HS6ST2: variants seen among roughly 807,000 people sequenced by gnomAD.
HS6ST2 encodes heparan-sulfate 6-O-sulfotransferase 2.
In HS6ST2, 17 loss-of-function variants were observed where a neutral mutation model predicts 33.0. That is an observed-to-expected ratio of 0.52 (90% CI 0.35 to 0.77). The LOEUF is 0.77. HS6ST2 is among the 30% of genes least tolerant of loss of function. The pLI, the probability that HS6ST2 is intolerant of heterozygous loss-of-function variation, is 0.01. For missense variants in HS6ST2, 519 were observed against 551.7 expected, an observed-to-expected ratio of 0.94 and a Z score of 0.59; for synonymous variants, 248 against 237.1, an observed-to-expected ratio of 1.05 and a Z score of -0.42.
At chrX:132,658,710 T>C (rs1222152377) in intron 4 of HS6ST2, among the ~76,000 whole-genome samples, 1 of 112,276 alleles carries the variant, frequency 8.9e-6, no homozygotes, top group African/African-American at 3.2e-5. Flanking sequence ...GGATGGTGGG[T>C]AAAATTAATT....
At chrX:132,719,231 C>T (rs1342323587) in intron 2 of HS6ST2, among the ~76,000 whole-genome samples, 1 of 111,955 alleles carries the variant, frequency 8.9e-6, no homozygotes, top group African/African-American at 3.3e-5. Context: ...CAAGCCCAAA[C>T]TCTGCATTTT....
intron 2 of HS6ST2, among the ~76,000 whole-genome samples, chrX:132,806,245 A>G (rs2065281352): frequency 9.0e-6 from 1 of 110,712 alleles, no homozygotes; most frequent in Non-Finnish European, 1.9e-5. Flanking sequence ...CAATATTGCT[A>G]CTACTTCTAA....
chrX:132,722,441 C>T (rs1346569220), intron 2 of HS6ST2, among the ~76,000 whole-genome samples: 40 of 110,948 alleles, frequency 3.6e-4, no homozygotes, highest in African/African-American at 1.3e-3. Flanking sequence ...ATGTTGAAAA[C>T]TTTTCATGAT....
chrX:132,847,363 C>A (rs1042884960), intron 2 of HS6ST2, among the ~76,000 whole-genome samples: 1 of 111,203 alleles, frequency 9.0e-6, no homozygotes, highest in African/African-American at 3.3e-5. Flanking sequence ...CAGTAGTATA[C>A]CATCCCCCAA....
intron 2 of HS6ST2, among the ~76,000 whole-genome samples, chrX:132,727,906 G>C (rs1392694403): frequency 9.0e-6 from 1 of 111,461 alleles, no homozygotes; most frequent in East Asian, 2.8e-4. Flanking sequence ...TTTTTTGTCT[G>C]GCTTCTTTCA....
At chrX:132,750,179 A>G (rs1272763724) in intron 2 of HS6ST2, among the ~76,000 whole-genome samples, 1 of 110,650 alleles carries the variant, frequency 9.0e-6, no homozygotes, top group Non-Finnish European at 1.9e-5. Flanking sequence ...CCTTCTCTCC[A>G]GACTGGACAC....
chrX:132,915,274 T>A (rs1041980100), intron 2 of HS6ST2, among the ~76,000 whole-genome samples: 1 of 112,425 alleles, frequency 8.9e-6, no homozygotes, highest in African/African-American at 3.2e-5. Flanking sequence ...GCTCAGGCTA[T>A]GGCACCAACT....
At chrX:132,909,148 C>T (rs1052817804) in intron 2 of HS6ST2, among the ~76,000 whole-genome samples, 1 of 111,653 alleles carries the variant, frequency 9.0e-6, no homozygotes, top group African/African-American at 3.3e-5. Flanking sequence ...TGAGGTGTTA[C>T]AGCCTGGCTA....
chrX:132,707,906 T>C (rs1222224925), intron 3 of HS6ST2, among the ~76,000 whole-genome samples: 1 of 111,581 alleles, frequency 9.0e-6, no homozygotes, highest in African/African-American at 3.3e-5. Context: ...AGATTTGCTC[T>C]CCTGCAGGCT....
chrX:132,629,292 TCAAC>T lies in HS6ST2; in HGVS notation c.1068-203_1068-200del, dbSNP rs1015204963. Among the ~76,000 whole-genome samples the T allele has an allele frequency of 2.4e-4, 27 of 112,120 alleles. No individual in the cohort carries two copies. The South Asian group carries it at 0.01, about 43-fold the overall frequency. On this transcript the variant is annotated intron_variant, in intron 4 of 4. Transcript: ENST00000370833. ...ACTAGCCTAGAGATAGCTAATTTTT[TCAAC>T]CAATTTGCTGATACTTCAGCTAAAA...
At chrX:132,797,155 G>C (rs2065189307) in intron 2 of HS6ST2, among the ~76,000 whole-genome samples, 1 of 111,493 alleles carries the variant, frequency 9.0e-6, no homozygotes, top group Non-Finnish European at 1.9e-5. Flanking sequence ...ATTTCAAGAA[G>C]TCCATAGCCC....
intron 2 of HS6ST2, among the ~76,000 whole-genome samples, chrX:132,838,862 A>G (rs921814825): frequency 1.8e-5 from 2 of 110,009 alleles, no homozygotes; most frequent in Admixed American, 2.0e-4. Context: ...ACCAACAAGC[A>G]TATAATAAAA....
chrX:132,763,518 G>A (rs141679591), intron 2 of HS6ST2, among the ~76,000 whole-genome samples: 16 of 112,277 alleles, frequency 1.4e-4, no homozygotes, highest in South Asian at 7.5e-4. Flanking sequence ...TCTCTGCACC[G>A]AGCTGGGCTC....
At chrX:132,897,039 C>A (rs2066382872) in intron 2 of HS6ST2, among the ~76,000 whole-genome samples, 1 of 111,546 alleles carries the variant, frequency 9.0e-6, no homozygotes. Flanking sequence ...AAGTCTTGAG[C>A]TTTGAAGGAA....
intron 2 of HS6ST2, among the ~76,000 whole-genome samples, chrX:132,774,506 G>C (rs2064937174): frequency 1.8e-5 from 2 of 111,722 alleles, no homozygotes; most frequent in Non-Finnish European, 3.8e-5. Context: ...GCCAGAGTGA[G>C]TCATGAAAGG....
chrX:132,803,115 C>T (rs1438553688), intron 2 of HS6ST2, among the ~76,000 whole-genome samples: 2 of 111,390 alleles, frequency 1.8e-5, no homozygotes, highest in African/African-American at 6.5e-5. Context: ...CTTCCAGATC[C>T]GAGGCTCTCT....
chrX:132,808,111 C>T (rs1440979124), intron 2 of HS6ST2, among the ~76,000 whole-genome samples: 2 of 111,396 alleles, frequency 1.8e-5, no homozygotes, highest in East Asian at 5.7e-4. Flanking sequence ...ATCCCTGTTC[C>T]AGAAGATCAG....
intron 2 of HS6ST2, among the ~76,000 whole-genome samples, chrX:132,866,672 T>C (rs1373426050): frequency 1.4e-5 from 1 of 71,026 alleles, no homozygotes; most frequent in East Asian, 4.2e-4. Flanking sequence ...TGGTTTGTAG[T>C]TCTCCTTGAA....
At chrX:132,957,833 C>G (rs2067101129) in intron 1 of HS6ST2, among the ~76,000 whole-genome samples, 2 of 112,224 alleles carry the variant, frequency 1.8e-5, no homozygotes, top group Non-Finnish European at 3.8e-5. Flanking sequence ...CCGCATGCCC[C>G]GAAGCCCTCC....
Sources: allele counts gnomAD v4.1 joint callset (sites outside exome capture counted in the v4.1 genomes callset), GRCh38; gene constraint gnomAD v4.1.1; transcripts MANE v1.5; gene names NCBI Gene and HGNC (gene_info 2026-07-23, HGNC 2026-07-21).